Variants in NR2F1-AS1 observed in about 807,000 individuals in gnomAD.
NR2F1-AS1 encodes NR2F1 antisense RNA 1.
chr5:93,466,117 G>A (rs1287298341), intron 4 of NR2F1-AS1, among the ~76,000 whole-genome samples: 1 of 152,112 alleles, frequency 6.6e-6, no homozygotes, highest in East Asian at 1.9e-4. Context: ...AGCTAGGAGG[G>A]ATGGAAGCAA....
At chr5:93,416,409 CT>C (rs1748968672) in intron 4 of NR2F1-AS1, among the ~76,000 whole-genome samples, 1 of 152,236 alleles carries the variant, frequency 6.6e-6, no homozygotes, top group African/African-American at 2.4e-5. Context: ...TTTTTACCTA[CT>C]TAAAATTCTC....
chr5:93,530,277 T>C (rs1391416088), intron 4 of NR2F1-AS1, among the ~76,000 whole-genome samples: 1 of 152,130 alleles, frequency 6.6e-6, no homozygotes. Flanking sequence ...AGATGTGGTT[T>C]CACCATTTTA....
intron 4 of NR2F1-AS1, among the ~76,000 whole-genome samples, chr5:93,421,607 G>A (rs1749090078): frequency 6.6e-6 from 1 of 152,130 alleles, no homozygotes; most frequent in Non-Finnish European, 1.5e-5. Flanking sequence ...GGTTAAGTGT[G>A]GAGGCTGGCA....
intron 4 of NR2F1-AS1, among the ~76,000 whole-genome samples, chr5:93,486,305 C>T (rs181200778): frequency 3.3e-4 from 50 of 151,454 alleles, no homozygotes; most frequent in Admixed American, 1.3e-3. Flanking sequence ...TCAGTGAATC[C>T]AGGAGCTGTT....
chr5:93,545,983 C>T (rs555630084), intron 4 of NR2F1-AS1, among the ~76,000 whole-genome samples: 1 of 152,264 alleles, frequency 6.6e-6, no homozygotes, highest in South Asian at 2.1e-4. Context: ...TAGAGACAAC[C>T]TGAGTGGGAT....
intron 4 of NR2F1-AS1, among the ~76,000 whole-genome samples, chr5:93,458,722 AGCACAG>A (rs1750007938): frequency 6.6e-6 from 1 of 152,210 alleles, no homozygotes; most frequent in African/African-American, 2.4e-5. Flanking sequence ...AGAAAACAAA[AGCACAG>A]GCCGGGCGCA....
At chr5:93,526,408 G>A (rs1751616037) in intron 4 of NR2F1-AS1, among the ~76,000 whole-genome samples, 2 of 152,134 alleles carry the variant, frequency 1.3e-5, no homozygotes, top group Non-Finnish European at 1.5e-5. Flanking sequence ...ACGAATTCTA[G>A]CAGAGGTACA....
intron 4 of NR2F1-AS1, chr5:93,496,191 C>CA (rs1750956788): frequency 1.3e-5 from 2 of 151,998 alleles, no homozygotes; most frequent in African/African-American, 4.8e-5. Context: ...ATAAAATAAA[C>CA]AAAAAACCCA....
chr5:93,479,103 A>C (rs576982079), intron 4 of NR2F1-AS1, among the ~76,000 whole-genome samples: 18 of 152,340 alleles, frequency 1.2e-4, no homozygotes, highest in African/African-American at 4.3e-4. Context: ...GGTGAATTTC[A>C]GTGTTATGTA....
chr5:93,563,746 C>T (rs1752547168), intron 1 of NR2F1-AS1, among the ~76,000 whole-genome samples: 1 of 152,046 alleles, frequency 6.6e-6, no homozygotes, highest in Admixed American at 6.5e-5. Flanking sequence ...AGCTGACGAA[C>T]ATGTAAGATA....
At chr5:93,441,730 T>C (rs1342579607) in intron 4 of NR2F1-AS1, among the ~76,000 whole-genome samples, 1 of 152,232 alleles carries the variant, frequency 6.6e-6, no homozygotes, top group African/African-American at 2.4e-5. Context: ...ACTTTAAAGC[T>C]TCCTGAGCCT....
At chr5:93,511,899 G>C (rs1751302577) in intron 4 of NR2F1-AS1, among the ~76,000 whole-genome samples, 1 of 152,066 alleles carries the variant, frequency 6.6e-6, no homozygotes, top group African/African-American at 2.4e-5. Flanking sequence ...CATCATCCCT[G>C]GTCCACAGAA....
At chr5:93,483,975 T>C (rs190308439) in intron 4 of NR2F1-AS1, among the ~76,000 whole-genome samples, 2 of 152,312 alleles carry the variant, frequency 1.3e-5, no homozygotes, top group Admixed American at 6.5e-5. Flanking sequence ...CTATGTTTGA[T>C]TGGTGTACCT....
intron 4 of NR2F1-AS1, among the ~76,000 whole-genome samples, chr5:93,507,329 T>TG (rs1751205624): frequency 9.1e-6 from 1 of 110,372 alleles, no homozygotes; most frequent in Admixed American, 1.1e-4. Flanking sequence ...ATTTGGGGTT[T>TG]TTTTTGTTTT....
At chr5:93,478,473 G>A (rs557107732) in intron 4 of NR2F1-AS1, among the ~76,000 whole-genome samples, 21 of 152,072 alleles carry the variant, frequency 1.4e-4, no homozygotes, top group South Asian at 8.3e-4. Context: ...GCACGATCTC[G>A]GCTCACTGCA....
At chr5:93,531,027 G>A (rs1481748350) in intron 4 of NR2F1-AS1, among the ~76,000 whole-genome samples, 1 of 151,828 alleles carries the variant, frequency 6.6e-6, no homozygotes. Context: ...CCATTTTTTT[G>A]TTTTTCAACA....
At chr5:93,514,705 T>C (rs1751367539) in intron 4 of NR2F1-AS1, among the ~76,000 whole-genome samples, 2 of 152,070 alleles carry the variant, frequency 1.3e-5, no homozygotes, top group South Asian at 4.1e-4. Context: ...AGATCTAATA[T>C]TATACAAGAG....
chr5:93,537,385 T>C (rs1401118258), intron 4 of NR2F1-AS1, among the ~76,000 whole-genome samples: 1 of 152,106 alleles, frequency 6.6e-6, no homozygotes, highest in Non-Finnish European at 1.5e-5. Context: ...CCTATTCTCC[T>C]ACAGAATAGG....
chr5:93,482,287 C>T lies in NR2F1-AS1; in HGVS notation n.638+71474G>A, dbSNP rs1178297538. Among the ~76,000 whole-genome samples the T allele has an allele frequency of 2.0e-5, 3 of 152,104 alleles. No individual in the cohort carries two copies. The East Asian group carries it at 5.8e-4, about 29-fold the overall frequency. ...ATTGGGACAGGTTAGACGGTGGGTGCAGCCTGCAGAGGATGAGCCGAAGCA... is the reference window on the plus strand; with the variant it reads ...ATTGGGACAGGTTAGACGGTGGGTGTAGCCTGCAGAGGATGAGCCGAAGCA... On this transcript the variant is annotated intron_variant and non_coding_transcript_variant, in intron 4 of 5. Coordinates refer to ENST00000660523, the Ensembl canonical transcript of NR2F1-AS1.
Sources: allele counts gnomAD v4.1 joint callset (sites outside exome capture counted in the v4.1 genomes callset), GRCh38; gene constraint gnomAD v4.1.1; transcripts MANE v1.5; gene names NCBI Gene and HGNC (gene_info 2026-07-23, HGNC 2026-07-21).